The following ARHGAP42 variants were observed in gnomAD, a reference collection of about 807,000 sequenced individuals.
ARHGAP42 encodes the protein Rho GTPase activating protein 42.
A neutral mutation model predicts 125.0 loss-of-function variants in ARHGAP42; 63 were observed. The ratio of observed to expected loss-of-function variants is 0.50; its 90% CI spans 0.41 to 0.62. The LOEUF (loss-of-function observed/expected upper bound fraction) is 0.62. Ranked by LOEUF, ARHGAP42 falls within the 20% of genes least tolerant of loss-of-function variation. ARHGAP42 has a pLI of 0.00. For missense variants in ARHGAP42, 766 were observed against 1,024.2 expected, an observed-to-expected ratio of 0.75 and a Z score of 3.44; for synonymous variants, 339 against 351.0, an observed-to-expected ratio of 0.97 and a Z score of 0.38.
chr11:100,970,019 C>T (rs1031242970), intron 17 of ARHGAP42, among the ~76,000 whole-genome samples: 6 of 151,742 alleles, frequency 4.0e-5, no homozygotes, highest in African/African-American at 1.5e-4. Flanking sequence ...GACAGAGTCT[C>T]ACTCTGTCAC....
At chr11:100,865,394 C>T (rs140184311) in intron 4 of ARHGAP42, among the ~76,000 whole-genome samples, 32 of 152,228 alleles carry the variant, frequency 2.1e-4, no homozygotes, top group Admixed American at 8.5e-4. Flanking sequence ...TTACAAATGC[C>T]TCAGTCAACT....
At chr11:100,837,666 C>CTATTTTTTTTTTT (rs1555008871) in intron 3 of ARHGAP42, among the ~76,000 whole-genome samples, 2 of 61,070 alleles carry the variant, frequency 3.3e-5, no homozygotes, top group African/African-American at 1.4e-4. Flanking sequence ...AGGTGTCATC[C>CTATTTTTTTTTTT]TTTTTTTTTT....
chr11:100,695,935 A>C (rs1861273978), intron 1 of ARHGAP42, among the ~76,000 whole-genome samples: 1 of 152,168 alleles, frequency 6.6e-6, no homozygotes, highest in Non-Finnish European at 1.5e-5. Context: ...CTAGGATAAG[A>C]CTAATAGTGG....
chr11:100,812,016 G>T (rs1034825590), intron 3 of ARHGAP42, among the ~76,000 whole-genome samples: 1 of 152,008 alleles, frequency 6.6e-6, no homozygotes, highest in East Asian at 1.9e-4. Flanking sequence ...GCCCAGGCTG[G>T]TGTTAAACTC....
At chr11:100,843,156 T>TA (rs1474745920) in intron 3 of ARHGAP42, among the ~76,000 whole-genome samples, 1 of 151,544 alleles carries the variant, frequency 6.6e-6, no homozygotes, top group Non-Finnish European at 1.5e-5. Context: ...ACCACGGAAA[T>TA]ACAAAAAGAT....
intron 1 of ARHGAP42, among the ~76,000 whole-genome samples, chr11:100,765,385 C>T (rs910930595): frequency 6.6e-6 from 1 of 152,126 alleles, no homozygotes; most frequent in African/African-American, 2.4e-5. Flanking sequence ...ACTGGGGATT[C>T]TGGAGCTGGC....
chr11:100,789,335 T>C (rs1863510491), intron 2 of ARHGAP42, among the ~76,000 whole-genome samples: 1 of 152,248 alleles, frequency 6.6e-6, no homozygotes, highest in Non-Finnish European at 1.5e-5. Context: ...CAGTTCTCCA[T>C]TGTAGCATAT....
At chr11:100,797,246 T>C (rs906926749) in intron 3 of ARHGAP42, among the ~76,000 whole-genome samples, 7 of 152,220 alleles carry the variant, frequency 4.6e-5, no homozygotes, top group East Asian at 1.9e-4. Context: ...CCAAAAGATC[T>C]GGCTGAGATC....
intron 23 of ARHGAP42, among the ~76,000 whole-genome samples, chr11:100,988,334 C>T (rs926900560): frequency 2.0e-5 from 3 of 152,026 alleles, no homozygotes; most frequent in South Asian, 4.2e-4. Flanking sequence ...CCTCTACATT[C>T]CAGAATTTTT....
chr11:100,812,086 C>T (rs1181964381), intron 3 of ARHGAP42, among the ~76,000 whole-genome samples: 2 of 152,134 alleles, frequency 1.3e-5, no homozygotes, highest in African/African-American at 2.4e-5. Flanking sequence ...CAGATATGAG[C>T]CACCGTGCCT....
intron 4 of ARHGAP42, among the ~76,000 whole-genome samples, chr11:100,912,133 A>G (rs1214266233): frequency 2.0e-5 from 3 of 152,150 alleles, no homozygotes; most frequent in South Asian, 2.1e-4. Context: ...TCAAAATTAC[A>G]TTTCCTAGAT....
At position 100,976,328 on chromosome 11, in the gene ARHGAP42, C is replaced by T; in HGVS notation, c.2127C>T (p.Ser709=). ...GCCAGAGTGTTGCTTCAGTCACTAGCCCAGGAGACGTTTCCCCACCCATAG... is the reference window on the plus strand; with the variant it reads ...GCCAGAGTGTTGCTTCAGTCACTAGTCCAGGAGACGTTTCCCCACCCATAG... ...SDCQSVASVT[S]PGDVSPPIDL... is the part of the protein sequence containing the mutation. The change falls in exon 20 of 24, where the codon AGC becomes AGT. Residue 709 remains serine (S), a synonymous_variant. Coordinates refer to ENST00000298815, the MANE Select transcript of ARHGAP42 (RefSeq NM_152432.4). 6.4e-7 allele frequency: 1 copy of T among 1,551,600 alleles called. No individual in the cohort carries two copies. Among genetic ancestry groups the T allele is most frequent in the South Asian group, 1.2e-5 (1 of 84,032 alleles).
At chr11:100,739,318 G>A (rs1004382396) in intron 1 of ARHGAP42, among the ~76,000 whole-genome samples, 2 of 151,496 alleles carry the variant, frequency 1.3e-5, no homozygotes, top group Non-Finnish European at 2.9e-5. Context: ...CATTCACTTG[G>A]TTCTTAAACA....
intron 4 of ARHGAP42, among the ~76,000 whole-genome samples, chr11:100,872,791 C>G: frequency 6.6e-6 from 1 of 152,268 alleles, no homozygotes; most frequent in Non-Finnish European, 1.5e-5. Context: ...CATCATCTGT[C>G]TCATGTTGTC....
At chr11:100,732,573 CT>C (rs1231071156) in intron 1 of ARHGAP42, among the ~76,000 whole-genome samples, 1 of 152,176 alleles carries the variant, frequency 6.6e-6, no homozygotes, top group Non-Finnish European at 1.5e-5. Context: ...AGCATATCAA[CT>C]GACTTCTCGG....
rs1395565487 is a variant in ARHGAP42, at chr11:100,687,637, G to A, written c.-42G>A. 5 of 1,336,236 alleles carry A rather than the reference G, an allele frequency of 3.7e-6. No individual in the cohort carries two copies. The highest frequency in any genetic ancestry group is 4.8e-6 in the Non-Finnish European group (5 of 1,032,082). 82.8% of individuals were successfully genotyped at this position (1,336,236 alleles called of 1,614,324 possible). A position where few individuals can be genotyped will look rare whatever the true frequency, so the allele number is the denominator to read the frequency against. On this transcript the variant is annotated 5_prime_UTR_variant, in exon 1 of 24. Transcript: ENST00000298815. ...GCCGGCTGCCCCCGCCCTGACCTCC[G>A]GCCCGGACGTGTCCGCGGCCGCCGC...
At chr11:100,834,737 C>CTA (rs748546867) in intron 3 of ARHGAP42, among the ~76,000 whole-genome samples, 4 of 151,686 alleles carry the variant, frequency 2.6e-5, no homozygotes, top group African/African-American at 4.8e-5. Flanking sequence ...GCTATAAATG[C>CTA]TATGACCAAG....
rs930590125 is a variant in ARHGAP42 at position 100,959,841 on chromosome 11, G to T, written c.1163-42G>T. On this transcript the variant is annotated intron_variant, in intron 12 of 23. Coordinates refer to ENST00000298815, the MANE Select transcript of ARHGAP42 (RefSeq NM_152432.4). ...AGAGCCAACTGAAGGGGGAATGTGAGTTCAGCGTAAACACCTAATGCGATT... is the reference window on the plus strand; with the variant it reads ...AGAGCCAACTGAAGGGGGAATGTGATTTCAGCGTAAACACCTAATGCGATT... 2.0e-6 allele frequency: 3 copies of T among 1,531,644 alleles called. No homozygotes were observed. The African/African-American group carries it at 4.1e-5, about 21-fold the overall frequency. The allele number at this position is 1,531,644 out of a possible 1,614,324, so 94.9% of individuals were successfully genotyped here. A position where few individuals can be genotyped will look rare whatever the true frequency, so the allele number is the denominator to read the frequency against.
At chr11:100,978,565 TATTATA>T (rs72358153) in intron 21 of ARHGAP42, among the ~76,000 whole-genome samples, 11,239 of 152,194 alleles carry the variant, frequency 0.074, 563 homozygotes, top group East Asian at 0.26. Flanking sequence ...ACATCAATAG[TATTATA>T]ATTAGTGTTT....
Sources: gnomAD v4.1 joint callset for allele counts (sites outside exome capture counted in the v4.1 genomes callset) on GRCh38, gnomAD v4.1.1 for gene constraint, MANE v1.5 for transcripts, NCBI Gene and HGNC (gene_info 2026-07-23, HGNC 2026-07-21) for gene names.